Variants in NAA25 observed in about 807,000 individuals in gnomAD.
NAA25 encodes the protein N-alpha-acetyltransferase 25, NatB auxiliary subunit.
Under a neutral mutation model 132.5 loss-of-function variants are expected in NAA25, and 30 were observed. That is an observed-to-expected ratio of 0.23 (90% CI 0.17 to 0.31). The LOEUF (loss-of-function observed/expected upper bound fraction) is 0.31, where lower values mean the gene tolerates loss of function less well. Among genes scored for constraint, NAA25 ranks in the 10% least tolerant of loss-of-function variants. The pLI, the probability that NAA25 is intolerant of heterozygous loss-of-function variation, is 1.00. For synonymous variants in NAA25, 359 were observed against 401.9 expected, an observed-to-expected ratio of 0.89 and a Z score of 1.28; for missense variants, 771 against 1,150.4, an observed-to-expected ratio of 0.67 and a Z score of 4.77.
intron 1 of NAA25, among the ~76,000 whole-genome samples, chr12:112,099,844 T>C (rs1404833382): frequency 1.3e-5 from 2 of 152,240 alleles, no homozygotes; most frequent in African/African-American, 4.8e-5. Context: ...GCAGCTGCCA[T>C]GAATGGTCTC....
At chr12:112,056,854 T>C (rs752911547) in intron 13 of NAA25, among the ~76,000 whole-genome samples, 5 of 152,212 alleles carry the variant, frequency 3.3e-5, no homozygotes, top group Non-Finnish European at 7.3e-5. Context: ...CTGCCCTCCA[T>C]TTCTCTCACC....
chr12:112,041,915 C>T (rs558575276), intron 20 of NAA25, 124 bp downstream of exon 20: 18 of 582,518 alleles, frequency 3.1e-5, no homozygotes, highest in African/African-American at 3.0e-4. Context: ...GGAGTATTGA[C>T]TCCAAAGTGT....
intron 11 of NAA25, 103 bp downstream of exon 11, chr12:112,068,777 G>A (rs1014105993): frequency 6.2e-6 from 4 of 650,042 alleles, no homozygotes; most frequent in Middle Eastern, 2.7e-4. Flanking sequence ...TGTATCTCAT[G>A]ATTATCAATT....
chr12:112,065,969 G>A (rs2078712095), intron 11 of NAA25, among the ~76,000 whole-genome samples: 1 of 152,122 alleles, frequency 6.6e-6, no homozygotes, highest in African/African-American at 2.4e-5. Context: ...CCTCTCTCAA[G>A]TAAAATTTAC....
intron 13 of NAA25, among the ~76,000 whole-genome samples, chr12:112,055,322 A>G (rs1266921327): frequency 6.6e-6 from 1 of 152,196 alleles, no homozygotes; most frequent in Admixed American, 6.5e-5. Context: ...TAAAACACAC[A>G]CACAGAAAAT....
chr12:112,086,073 TACACAC>T (rs1555238727), intron 4 of NAA25, among the ~76,000 whole-genome samples: 17 of 53,988 alleles, frequency 3.1e-4, no homozygotes, highest in African/African-American at 6.0e-4. Context: ...TATATATATA[TACACAC>T]ACACACACAC....
intron 15 of NAA25, among the ~76,000 whole-genome samples, chr12:112,053,281 A>G (rs915980112): frequency 1.3e-5 from 2 of 152,216 alleles, no homozygotes; most frequent in East Asian, 3.8e-4. Context: ...CTTAGAGATT[A>G]AAAGCCAGGT....
intron 3 of NAA25, 147 bp from the exon 4 acceptor site, chr12:112,087,948 G>A: frequency 1.6e-6 from 1 of 615,350 alleles, no homozygotes; most frequent in Non-Finnish European, 2.9e-6. Flanking sequence ...TTCATCTCTT[G>A]GTTAGGTGGT....
intron 11 of NAA25, among the ~76,000 whole-genome samples, chr12:112,062,727 A>G (rs887528006): frequency 3.5e-5 from 5 of 142,016 alleles, no homozygotes; most frequent in Non-Finnish European, 6.1e-5. Flanking sequence ...ACTCCGTATT[A>G]AAAAAAAAAA....
At chr12:112,048,967 T>G (rs2078425980) in intron 15 of NAA25, among the ~76,000 whole-genome samples, 1 of 149,026 alleles carries the variant, frequency 6.7e-6, no homozygotes. Context: ...ACACAGGGCA[T>G]ATGAGCATTA....
chr12:112,090,950 T>C (rs910121261), intron 2 of NAA25, 86 bp from the exon 3 acceptor site: 2 of 1,325,164 alleles, frequency 1.5e-6, no homozygotes, highest in Admixed American at 2.1e-5. Context: ...AGAACAAGTA[T>C]TAAGTTATGC....
chr12:112,067,650 C>A (rs1275872353), intron 11 of NAA25, among the ~76,000 whole-genome samples: 1 of 151,546 alleles, frequency 6.6e-6, no homozygotes, highest in Non-Finnish European at 1.5e-5. Flanking sequence ...GTAGAGGTTG[C>A]AATGAGCCTG....
chr12:112,056,342 A>G (rs2078545634), intron 13 of NAA25, among the ~76,000 whole-genome samples: 2 of 151,888 alleles, frequency 1.3e-5, no homozygotes, highest in Admixed American at 1.3e-4. Context: ...CAAAATAAAA[A>G]TAAAATTTAA....
chr12:112,099,665 G>T (rs2079263389), intron 1 of NAA25, among the ~76,000 whole-genome samples: 1 of 152,184 alleles, frequency 6.6e-6, no homozygotes, highest in Non-Finnish European at 1.5e-5. Flanking sequence ...ACTAGTCCTT[G>T]GAGATGCAGG....
In NAA25 at chr12:112,054,394, G is replaced by T; in HGVS notation, c.1622C>A (p.Thr541Asn). 1 of 1,613,898 alleles carries T rather than the reference G, an allele frequency of 6.2e-7. No homozygotes were observed. Among genetic ancestry groups the T allele is most frequent in the Non-Finnish European group, 8.5e-7 (1 of 1,179,826 alleles). ...CAGAGTATATACTACCAACCCAATG[G>T]TATCATGCTGGATATGCTTAGCATC... Reference protein sequence around the residue: ...SLDAKHIQHDTIGYLLTRYAE... With the variant: ...SLDAKHIQHDNIGYLLTRYAE... The change falls in exon 14 of 24, where the codon ACC (threonine) becomes AAC (asparagine). Residue 541 changes from threonine (T) to asparagine (N), a missense_variant. Physicochemically the swap from Thr to Asn is moderately conservative, Grantham distance 65 (BLOSUM62 0). Transcript: ENST00000261745.
At chr12:112,036,371 G>A (rs1363197388) in intron 22 of NAA25, among the ~76,000 whole-genome samples, 2 of 152,102 alleles carry the variant, frequency 1.3e-5, no homozygotes, top group South Asian at 2.1e-4. Context: ...TGGAACTGAC[G>A]TATGAATTCC....
At chr12:112,073,715 G>A (rs1419186896) in intron 9 of NAA25, among the ~76,000 whole-genome samples, 1 of 152,116 alleles carries the variant, frequency 6.6e-6, no homozygotes, top group Non-Finnish European at 1.5e-5. Context: ...TAACAGGCGT[G>A]AGCCACTGTG....
chr12:112,058,180 T>C (rs935744969), intron 13 of NAA25, among the ~76,000 whole-genome samples: 1 of 151,402 alleles, frequency 6.6e-6, no homozygotes, highest in Non-Finnish European at 1.5e-5. Flanking sequence ...CACTACCATA[T>C]GGTTACATAC....
At chr12:112,077,015 A>AC (rs142208447) in intron 7 of NAA25, among the ~76,000 whole-genome samples, 6,221 of 151,942 alleles carry the variant, frequency 0.041, 282 homozygotes, top group African/African-American at 0.11. Context: ...AACAACAACA[A>AC]AAAAAAACAA....
Sources: gnomAD v4.1 joint callset for allele counts (sites outside exome capture counted in the v4.1 genomes callset) on GRCh38, gnomAD v4.1.1 for gene constraint, MANE v1.5 for transcripts, NCBI Gene and HGNC (gene_info 2026-07-23, HGNC 2026-07-21) for gene names.